Variants in TINAG observed in about 807,000 individuals in gnomAD.
The protein encoded by TINAG is tubulointerstitial nephritis antigen.
Under a neutral mutation model 72.7 loss-of-function variants are expected in TINAG, and 83 were observed. The observed-to-expected ratio is 1.14, with a 90% confidence interval of 0.96 to 1.37. The LOEUF (loss-of-function observed/expected upper bound fraction) is 1.37, where lower values mean the gene tolerates loss of function less well. Among genes scored for constraint, TINAG ranks in the 40% most tolerant of loss-of-function variants. The probability of loss-of-function intolerance (pLI) is 0.00; values close to 1 mark genes in which losing one functional copy is unlikely to be tolerated. For missense variants in TINAG, 685 were observed against 576.6 expected (o/e 1.19, Z -1.93); for synonymous variants, 234 against 189.9 (o/e 1.23, Z -1.91).
At chr6:54,366,080 G>C (rs1763405330) in intron 9 of TINAG, among the ~76,000 whole-genome samples, 1 of 151,688 alleles carries the variant, frequency 6.6e-6, no homozygotes, top group Admixed American at 6.6e-5. Flanking sequence ...AACAACTGTA[G>C]TAGAACTCTC....
intron 5 of TINAG, among the ~76,000 whole-genome samples, chr6:54,345,147 G>A (rs1186982408): frequency 6.6e-6 from 1 of 152,120 alleles, no homozygotes; most frequent in Non-Finnish European, 1.5e-5. Flanking sequence ...AGAATAGAGT[G>A]TGTCTCAGAG....
chr6:54,320,788 G>C (rs926732586), intron 2 of TINAG, 146 bp downstream of exon 2: 2 of 565,124 alleles, frequency 3.5e-6, no homozygotes, highest in Non-Finnish European at 3.0e-6. Context: ...CTGTAACTTT[G>C]TATAAGCATA....
intron 1 of TINAG, among the ~76,000 whole-genome samples, chr6:54,314,233 T>C (rs1473449025): frequency 6.6e-6 from 1 of 152,186 alleles, no homozygotes; most frequent in African/African-American, 2.4e-5. Context: ...ATATTTTGCC[T>C]GGATTCACTT....
intron 4 of TINAG, among the ~76,000 whole-genome samples, chr6:54,331,908 T>C (rs1309631533): frequency 2.0e-5 from 3 of 152,158 alleles, no homozygotes; most frequent in Admixed American, 6.5e-5. Flanking sequence ...ACAAGGGATG[T>C]GAAGGATCTC....
chr6:54,317,427 G>A (rs1784397550), intron 1 of TINAG, among the ~76,000 whole-genome samples: 2 of 152,168 alleles, frequency 1.3e-5, no homozygotes, highest in Middle Eastern at 6.8e-3. Context: ...TCTTGTAGTA[G>A]TGAATGAGTC....
At chr6:54,354,695 A>G in intron 9 of TINAG, 59 bp downstream of exon 9, 1 of 1,540,646 alleles carries the variant, frequency 6.5e-7, no homozygotes. Context: ...GAAAATAAGA[A>G]TATGCAGTGT....
At chr6:54,364,346 A>G (rs946917560) in intron 9 of TINAG, among the ~76,000 whole-genome samples, 2 of 151,528 alleles carry the variant, frequency 1.3e-5, no homozygotes, top group Non-Finnish European at 3.0e-5. Context: ...AGGGTTTAGG[A>G]TATGCATAAC....
chr6:54,389,815 T>A lies in TINAG; in HGVS notation c.1321T>A (p.Ser441Thr), dbSNP rs754596259. 6.2e-7 allele frequency: 1 copy of A among 1,602,766 alleles called. No individual in the cohort carries two copies. The highest frequency in any genetic ancestry group is 1.1e-5 in the South Asian group (1 of 88,504). The change falls in exon 11 of 11, where the codon TCA (serine) becomes ACA (threonine). Residue 441 changes from serine (S) to threonine (T), a missense_variant. Transcript: ENST00000259782. The part of the protein sequence containing the change: ...FWIAANSWGK[S>T]WGENGYFRIL... ...GATTGCTGCCAATTCCTGGGGAAAG[T>A]CATGGGGAGAGAATGGCTATTTCAG...
At chr6:54,382,922 CA>C (rs1457590106) in intron 10 of TINAG, among the ~76,000 whole-genome samples, 1 of 152,096 alleles carries the variant, frequency 6.6e-6, no homozygotes, top group Non-Finnish European at 1.5e-5. Context: ...TCACCATAAA[CA>C]TTAGGAATAT....
chr6:54,313,502 T>A (rs990370908), intron 1 of TINAG, among the ~76,000 whole-genome samples: 1 of 152,198 alleles, frequency 6.6e-6, no homozygotes, highest in African/African-American at 2.4e-5. Context: ...GAATACTTAC[T>A]ATGGAGCCAA....
chr6:54,374,183 T>C (rs1763713434), intron 9 of TINAG, among the ~76,000 whole-genome samples: 1 of 152,130 alleles, frequency 6.6e-6, no homozygotes, highest in South Asian at 2.1e-4. Flanking sequence ...AGGAATATGG[T>C]AGGCATTGTA....
At chr6:54,342,522 CCAT>C (rs768265989) in intron 4 of TINAG, among the ~76,000 whole-genome samples, 5 of 152,036 alleles carry the variant, frequency 3.3e-5, no homozygotes, top group Non-Finnish European at 5.9e-5. Context: ...GTGCCCACCA[CCAT>C]GCCTGGCTAA....
intron 9 of TINAG, among the ~76,000 whole-genome samples, chr6:54,365,805 G>T (rs574090662): frequency 6.6e-6 from 1 of 151,582 alleles, no homozygotes; most frequent in Non-Finnish European, 1.5e-5. Context: ...ATCTCTCAGG[G>T]TCTCTGAGAT....
At chr6:54,338,269 A>G (rs950767695) in intron 4 of TINAG, among the ~76,000 whole-genome samples, 11 of 152,238 alleles carry the variant, frequency 7.2e-5, no homozygotes, top group African/African-American at 2.7e-4. Flanking sequence ...CAAATCTTCA[A>G]AAATAAATGT....
At chr6:54,313,780 A>G (rs1190273990) in intron 1 of TINAG, among the ~76,000 whole-genome samples, 2 of 152,122 alleles carry the variant, frequency 1.3e-5, no homozygotes, top group African/African-American at 4.8e-5. Context: ...ATGATTTAAA[A>G]TAATAAAATA....
At chr6:54,369,328 A>T (rs1450399202) in intron 9 of TINAG, among the ~76,000 whole-genome samples, 2 of 151,934 alleles carry the variant, frequency 1.3e-5, no homozygotes, top group South Asian at 4.1e-4. Flanking sequence ...GTCTATTGAT[A>T]TGGAAAGAAA....
intron 1 of TINAG, among the ~76,000 whole-genome samples, chr6:54,309,400 A>C (rs546141534): frequency 5.9e-5 from 9 of 152,302 alleles, no homozygotes; most frequent in Admixed American, 1.3e-4. Flanking sequence ...GGACAAAATA[A>C]GATAAAGTCA....
At chr6:54,327,886 C>T (rs978027723) in intron 4 of TINAG, among the ~76,000 whole-genome samples, 4 of 152,152 alleles carry the variant, frequency 2.6e-5, no homozygotes, top group Non-Finnish European at 5.9e-5. Context: ...CACAGCACAG[C>T]AAAGCCACTG....
chr6:54,377,513 G>GAAAT (rs58647495), intron 9 of TINAG, among the ~76,000 whole-genome samples: 34,480 of 151,100 alleles, frequency 0.23, 4,161 homozygotes, highest in Non-Finnish European at 0.27. Flanking sequence ...CTCGGTCTCA[G>GAAAT]AAATAAATAA....
Sources: allele counts gnomAD v4.1 joint callset (sites outside exome capture counted in the v4.1 genomes callset), GRCh38; gene constraint gnomAD v4.1.1; transcripts MANE v1.5; gene names NCBI Gene and HGNC (gene_info 2026-07-23, HGNC 2026-07-21).